Variants in TNFSF11 observed in about 807,000 individuals in gnomAD.
The protein encoded by TNFSF11 is tumor necrosis factor ligand superfamily member 11.
Under a neutral mutation model 32.2 loss-of-function variants are expected in TNFSF11, and 12 were observed. The ratio of observed to expected loss-of-function variants is 0.37; its 90% CI spans 0.24 to 0.60. The LOEUF (loss-of-function observed/expected upper bound fraction) is 0.60. Ranked by LOEUF, TNFSF11 falls within the 20% of genes least tolerant of loss-of-function variation. The pLI, the probability that TNFSF11 is intolerant of heterozygous loss-of-function variation, is 0.66. For missense variants in TNFSF11, 345 were observed against 398.0 expected (o/e 0.87, Z 1.13); for synonymous variants, 172 against 152.1 (o/e 1.13, Z -0.96).
At chr13:42,585,475 T>C (rs535005844) in intron 2 of TNFSF11, among the ~76,000 whole-genome samples, 2 of 152,322 alleles carry the variant, frequency 1.3e-5, no homozygotes, top group East Asian at 3.9e-4. Context: ...TTTTCTTGGC[T>C]TCCCCCACCC....
chr13:42,597,949 A>T (rs142108451), intron 2 of TNFSF11, among the ~76,000 whole-genome samples: 4,121 of 152,188 alleles, frequency 0.027, 178 homozygotes, highest in African/African-American at 0.093. Context: ...CCTGGGCTCA[A>T]GCAATCCTCC....
intron 4 of TNFSF11, among the ~76,000 whole-genome samples, chr13:42,606,296 G>A (rs182716542): frequency 5.3e-4 from 81 of 152,266 alleles, no homozygotes; most frequent in East Asian, 9.6e-4. Flanking sequence ...TTTTGTCTTC[G>A]TAGCCTCTAC....
chr13:42,599,413 C>T (rs2137901746), intron 2 of TNFSF11, among the ~76,000 whole-genome samples: 1 of 150,566 alleles, frequency 6.6e-6, no homozygotes, highest in East Asian at 2.0e-4. Context: ...CCTCTCTAGA[C>T]ACTTAAAGAA....
intron 2 of TNFSF11, among the ~76,000 whole-genome samples, chr13:42,583,684 A>T (rs1191637571): frequency 5.3e-5 from 8 of 152,020 alleles, no homozygotes; most frequent in African/African-American, 1.7e-4. Flanking sequence ...AAAATTTTAA[A>T]TAACATTTTA....
chr13:42,596,786 A>G (rs1473224644), intron 2 of TNFSF11, among the ~76,000 whole-genome samples: 3 of 152,266 alleles, frequency 2.0e-5, no homozygotes, highest in African/African-American at 7.2e-5. Flanking sequence ...TCACCAAACA[A>G]CTATTCATGG....
chr13:42,599,382 A>G lies in TNFSF11; in HGVS notation c.388-1370A>G, dbSNP rs74058729. Among the ~76,000 whole-genome samples, 331 of 150,714 alleles carry G rather than the reference A, an allele frequency of 2.2e-3. 3 individuals carry two copies. Among genetic ancestry groups the G allele is most frequent in the African/African-American group, 6.0e-3 (245 of 40,642 alleles). On this transcript the variant is annotated intron_variant, in intron 2 of 4. Transcript: ENST00000398795. ...TATCTATCTATCTATCTATCTATCT[A>G]TCTGTCTATCTCAAAGCCCTCCTCT...
At chr13:42,569,793 G>A (rs969574674), upstream of TNFSF11, among the ~76,000 whole-genome samples, 14 of 152,146 alleles carry the variant, frequency 9.2e-5, no homozygotes, top group South Asian at 2.1e-3. Context: ...TTCATATAGT[G>A]AAGTTTTCTA....
At chr13:42,586,529 A>G (rs1030608657) in intron 2 of TNFSF11, among the ~76,000 whole-genome samples, 1 of 152,286 alleles carries the variant, frequency 6.6e-6, no homozygotes, top group South Asian at 2.1e-4. Flanking sequence ...GCCCTCTCAC[A>G]TCAGTCACAT....
chr13:42,594,068 T>C (rs1868648130), intron 2 of TNFSF11, among the ~76,000 whole-genome samples: 1 of 152,032 alleles, frequency 6.6e-6, no homozygotes, highest in South Asian at 2.1e-4. Flanking sequence ...GAAATCTATT[T>C]ATTATTATTA....
chr13:42,564,311 T>C (rs1443365055), intron 1 of TNFSF11, among the ~76,000 whole-genome samples: 2 of 152,196 alleles, frequency 1.3e-5, no homozygotes, highest in Non-Finnish European at 2.9e-5. Flanking sequence ...CTCACACCTG[T>C]AATCCCAGCA....
At chr13:42,599,762 G>A (rs1594478736) in intron 2 of TNFSF11, among the ~76,000 whole-genome samples, 1 of 152,064 alleles carries the variant, frequency 6.6e-6, no homozygotes, top group South Asian at 2.1e-4. Context: ...TAGATACGGG[G>A]TTCCACTGTG....
chr13:42,581,429 A>G, intron 2 of TNFSF11, 136 bp downstream of exon 2: 1 of 982,758 alleles, frequency 1.0e-6, no homozygotes, highest in Non-Finnish European at 1.5e-6. Flanking sequence ...GGAATGCTTT[A>G]AAGAGATTAG....
chr13:42,579,119 G>A lies in TNFSF11; in HGVS notation c.220-2007G>A, dbSNP rs111521158. Reference sequence around the variant, plus strand: ...AGTATCAAGAATATAGGGTTCGGGTGCAGTGGCTCATGCCTGTAATCCCAG... The same window carrying A: ...AGTATCAAGAATATAGGGTTCGGGTACAGTGGCTCATGCCTGTAATCCCAG... On this transcript the variant is annotated intron_variant, in intron 1 of 4. Transcript: ENST00000398795. Among the ~76,000 whole-genome samples the A allele has an allele frequency of 1.4e-3, 219 of 152,280 alleles. 1 individual carries two copies. Among genetic ancestry groups the A allele is most frequent in the African/African-American group, 5.1e-3 (213 of 41,562 alleles).
At chr13:42,565,683 A>G (rs1246121110) in intron 1 of TNFSF11, among the ~76,000 whole-genome samples, 1 of 152,218 alleles carries the variant, frequency 6.6e-6, no homozygotes, top group Non-Finnish European at 1.5e-5. Flanking sequence ...AAAGACAGAG[A>G]TGGGAAAAAA....
upstream of TNFSF11, among the ~76,000 whole-genome samples, chr13:42,569,352 T>A (rs1872974709): frequency 6.6e-6 from 1 of 151,856 alleles, no homozygotes; most frequent in Non-Finnish European, 1.5e-5. Context: ...ATCGAGACCA[T>A]CCTGGCTAAC....
chr13:42,602,363 A>G (rs1216114467), intron 4 of TNFSF11, among the ~76,000 whole-genome samples: 1 of 152,246 alleles, frequency 6.6e-6, no homozygotes, highest in Non-Finnish European at 1.5e-5. Context: ...TTAAATAATT[A>G]TACATATTCC....
At chr13:42,606,436 G>A in intron 4 of TNFSF11, 61 bp from the exon 5 acceptor site, 1 of 1,601,444 alleles carries the variant, frequency 6.2e-7, no homozygotes, top group Non-Finnish European at 8.6e-7. Context: ...TCATAGAATT[G>A]TGAAGACGTC....
At chr13:42,599,317 CT>C (rs1566387113) in intron 2 of TNFSF11, among the ~76,000 whole-genome samples, 1 of 138,298 alleles carries the variant, frequency 7.2e-6, no homozygotes, top group Non-Finnish European at 1.6e-5. Context: ...ATCTATCTAT[CT>C]ATCTATCTAT....
chr13:42,596,613 G>A (rs1022134976), intron 2 of TNFSF11, among the ~76,000 whole-genome samples: 14 of 152,198 alleles, frequency 9.2e-5, no homozygotes, highest in Non-Finnish European at 1.8e-4. Flanking sequence ...AATGAGGTTA[G>A]TAGTAGTTAT....
Sources: allele counts gnomAD v4.1 joint callset (sites outside exome capture counted in the v4.1 genomes callset), GRCh38; gene constraint gnomAD v4.1.1; transcripts MANE v1.5; gene names NCBI Gene and HGNC (gene_info 2026-07-23, HGNC 2026-07-21).